The following ITFG1 variants were observed in gnomAD, a reference collection of about 807,000 sequenced individuals.
ITFG1 encodes the protein T-cell immunomodulatory protein.
In ITFG1, 34 loss-of-function variants were observed where a neutral mutation model predicts 81.8. The observed-to-expected ratio is 0.42, with a 90% CI of 0.32 to 0.55. ITFG1 has a LOEUF of 0.55. ITFG1 is among the 20% of genes least tolerant of loss of function. ITFG1 has a pLI of 0.17. For missense variants in ITFG1, 672 were observed against 755.4 expected, an observed-to-expected ratio of 0.89 and a Z score of 1.29; for synonymous variants, 285 against 270.6, an observed-to-expected ratio of 1.05 and a Z score of -0.52.
chr16:47,267,922 C>T (rs1377061757), intron 10 of ITFG1, among the ~76,000 whole-genome samples: 1 of 151,794 alleles, frequency 6.6e-6, no homozygotes, highest in East Asian at 1.9e-4. Flanking sequence ...CATTAAACAC[C>T]TATAGTAGAA....
At chr16:47,231,008 A>G in intron 13 of ITFG1, among the ~76,000 whole-genome samples, 1 of 152,218 alleles carries the variant, frequency 6.6e-6, no homozygotes, top group Non-Finnish European at 1.5e-5. Flanking sequence ...TCAGCCTCCC[A>G]AAGTGTTGGG....
chr16:47,349,240 G>A (rs1967910969), intron 8 of ITFG1, among the ~76,000 whole-genome samples: 2 of 152,168 alleles, frequency 1.3e-5, no homozygotes, highest in Non-Finnish European at 2.9e-5. Flanking sequence ...TGGGCTAAAT[G>A]CTCCAATTAA....
chr16:47,204,379 A>G lies in ITFG1; in HGVS notation c.1453+14489T>C, dbSNP rs551545413. The stretch of plus-strand genomic sequence containing the variant: ...CCTCAGTGACTCCAACAGGTACCTT[A>G]AAACTAGCTGACTTTATAAGCTTAG... On this transcript the variant is annotated intron_variant, in intron 14 of 17. Transcript: ENST00000320640. 3.9e-5 allele frequency among the ~76,000 whole-genome samples: 6 copies of G among 152,312 alleles called. 1 individual carries two copies. Among genetic ancestry groups the G allele is most frequent in the African/African-American group, 1.2e-4 (5 of 41,572 alleles).
intron 14 of ITFG1, among the ~76,000 whole-genome samples, chr16:47,177,558 A>C (rs1965045253): frequency 6.6e-6 from 1 of 152,220 alleles, no homozygotes; most frequent in African/African-American, 2.4e-5. Flanking sequence ...CTTTTAGAAA[A>C]GAATATGTAT....
intron 1 of ITFG1, among the ~76,000 whole-genome samples, chr16:47,459,906 C>G (rs986116804): frequency 1.3e-5 from 2 of 152,200 alleles, no homozygotes; most frequent in Non-Finnish European, 2.9e-5. Context: ...CCCGCAAGGG[C>G]TCCAAGAAGT....
intron 12 of ITFG1, among the ~76,000 whole-genome samples, chr16:47,242,636 AC>A (rs1369673067): frequency 6.6e-6 from 1 of 152,216 alleles, no homozygotes; most frequent in Non-Finnish European, 1.5e-5. Context: ...CATATTTTTC[AC>A]CTAACTGGCA....
chr16:47,398,183 T>C (rs1968615510), intron 6 of ITFG1, among the ~76,000 whole-genome samples: 1 of 152,034 alleles, frequency 6.6e-6, no homozygotes, highest in South Asian at 2.1e-4. Flanking sequence ...CTTCAACTAC[T>C]AACAACAGAG....
intron 8 of ITFG1, among the ~76,000 whole-genome samples, chr16:47,331,276 G>A (rs1213570043): frequency 6.6e-6 from 1 of 152,022 alleles, no homozygotes; most frequent in Non-Finnish European, 1.5e-5. Context: ...GGATACCCAT[G>A]GACGTAAAGA....
intron 10 of ITFG1, among the ~76,000 whole-genome samples, chr16:47,300,271 T>C (rs188567048): frequency 1.3e-5 from 2 of 152,360 alleles, no homozygotes; most frequent in Admixed American, 1.3e-4. Context: ...CTTCCTCATG[T>C]TCCTTCTTGG....
chr16:47,460,635 A>C (rs1453009468), intron 1 of ITFG1, among the ~76,000 whole-genome samples: 1 of 152,142 alleles, frequency 6.6e-6, no homozygotes, highest in Non-Finnish European at 1.5e-5. Flanking sequence ...GGTAGGTCAA[A>C]CTGTAGGGTA....
At chr16:47,266,456 G>A in intron 10 of ITFG1, among the ~76,000 whole-genome samples, 1 of 152,208 alleles carries the variant, frequency 6.6e-6, no homozygotes, top group Non-Finnish European at 1.5e-5. Flanking sequence ...GACTTCAAGT[G>A]ATCTGCCCAC....
chr16:47,352,693 C>A (rs1397074448), intron 8 of ITFG1, among the ~76,000 whole-genome samples: 4 of 152,152 alleles, frequency 2.6e-5, no homozygotes, highest in Non-Finnish European at 5.9e-5. Flanking sequence ...TTTGACCCAG[C>A]CGTCCCATTA....
At chr16:47,253,889 C>T (rs1469074209) in intron 12 of ITFG1, among the ~76,000 whole-genome samples, 3 of 152,074 alleles carry the variant, frequency 2.0e-5, no homozygotes, top group Non-Finnish European at 2.9e-5. Flanking sequence ...TGGTCTGCAG[C>T]CTGGGGTTTG....
rs535630328 is a variant in ITFG1 at position 47,388,941 on chromosome 16, G to C, written c.656-13001C>G. ...GTCACAAGACTGGTAAGTTTAGGTT[G>C]CAAGACATGTTTCCCTCAAGATATA... On this transcript the variant is annotated intron_variant, in intron 6 of 17. Coordinates refer to ENST00000320640, the MANE Select transcript of ITFG1 (RefSeq NM_030790.5). 1.1e-4 allele frequency among the ~76,000 whole-genome samples: 16 copies of C among 152,254 alleles called. No homozygotes were observed. In the South Asian group the frequency reaches 3.3e-3, roughly 32 times the overall value.
At chr16:47,280,878 C>T (rs1454836574) in intron 10 of ITFG1, among the ~76,000 whole-genome samples, 1 of 152,146 alleles carries the variant, frequency 6.6e-6, no homozygotes, top group Non-Finnish European at 1.5e-5. Context: ...TTGGTGAATA[C>T]ATCCAGTTGT....
In ITFG1 at chr16:47,367,812, C is replaced by T. The variant is rs143373577; in HGVS notation, c.721-1943G>A. Among the ~76,000 whole-genome samples, 445 of 152,286 alleles carry T rather than the reference C, an allele frequency of 2.9e-3. 1 individual carries two copies. Among genetic ancestry groups the T allele is most frequent in the Admixed American group, 5.6e-3 (86 of 15,294 alleles). On this transcript the variant is annotated intron_variant, in intron 7 of 17. Transcript: ENST00000320640. ...GTATTTTTCAATGATTTTCTATAGACATCTTATTTAGTAAGTGTATTAAGC... is the reference window on the plus strand; with the variant it reads ...GTATTTTTCAATGATTTTCTATAGATATCTTATTTAGTAAGTGTATTAAGC...
chr16:47,384,819 T>C (rs1240178209), intron 6 of ITFG1, among the ~76,000 whole-genome samples: 1 of 152,220 alleles, frequency 6.6e-6, no homozygotes, highest in Non-Finnish European at 1.5e-5. Context: ...GGCTCACACC[T>C]GTAATCCCAG....
chr16:47,343,684 T>C (rs1406667130), intron 8 of ITFG1, among the ~76,000 whole-genome samples: 3 of 152,112 alleles, frequency 2.0e-5, no homozygotes, highest in Non-Finnish European at 4.4e-5. Context: ...AAGGCTCTAA[T>C]AATTTTTTTA....
At position 47,321,869 on chromosome 16, in the gene ITFG1, T is replaced by A. The variant is rs187624437; in HGVS notation, c.803-8046A>T. Among the ~76,000 whole-genome samples, 4 of 152,262 alleles carry A rather than the reference T, an allele frequency of 2.6e-5. No individual in the cohort carries two copies. In the East Asian group the frequency reaches 7.7e-4, roughly 29 times the overall value. On this transcript the variant is annotated intron_variant, in intron 8 of 17. Coordinates refer to ENST00000320640, the MANE Select transcript of ITFG1 (RefSeq NM_030790.5). ...TTACAATTCTTTATTTTTAAAATGC[T>A]CATAAACCAAATTATGACAATGTGA...
Sources: allele counts gnomAD v4.1 joint callset (sites outside exome capture counted in the v4.1 genomes callset), GRCh38; gene constraint gnomAD v4.1.1; transcripts MANE v1.5; gene names NCBI Gene and HGNC (gene_info 2026-07-23, HGNC 2026-07-21).